Variants in DENND1A observed in about 807,000 individuals in gnomAD.
The protein encoded by DENND1A is DENN domain containing 1A, also known as DENN domain-containing protein 1A.
DENND1A carries 51 observed loss-of-function variants against 113.7 expected under a neutral mutation model. The observed-to-expected ratio is 0.45, with a 90% CI of 0.36 to 0.57. The LOEUF (loss-of-function observed/expected upper bound fraction) is 0.57, where lower values mean the gene tolerates loss of function less well. DENND1A is among the 20% of genes least tolerant of loss of function. The probability of loss-of-function intolerance (pLI) is 0.00; values close to 1 mark genes in which losing one functional copy is unlikely to be tolerated. For missense variants in DENND1A, 1,258 were observed against 1,395.9 expected (o/e 0.90, Z 1.57); for synonymous variants, 565 against 570.8 (o/e 0.99, Z 0.14).
intron 12 of DENND1A, among the ~76,000 whole-genome samples, chr9:123,558,127 A>G (rs2057532241): frequency 6.6e-6 from 1 of 152,228 alleles, no homozygotes; most frequent in Non-Finnish European, 1.5e-5. Flanking sequence ...TTTTGCATAC[A>G]TTTTACAATT....
chr9:123,457,517 C>G, intron 14 of DENND1A, 82 bp from the exon 15 acceptor site: 1 of 1,166,932 alleles, frequency 8.6e-7, no homozygotes, highest in Non-Finnish European at 1.3e-6. Flanking sequence ...CTTACTGTAT[C>G]CAAGGTAGGA....
At chr9:123,538,855 T>TATATATATACACAC (rs1564676522) in intron 13 of DENND1A, among the ~76,000 whole-genome samples, 2 of 101,288 alleles carry the variant, frequency 2.0e-5, no homozygotes, top group Non-Finnish European at 4.0e-5. Flanking sequence ...TATATATATA[T>TATATATATACACAC]ATATGAATTC....
intron 2 of DENND1A, among the ~76,000 whole-genome samples, chr9:123,818,507 T>A (rs918335096): frequency 1.8e-5 from 2 of 109,200 alleles, no homozygotes; most frequent in African/African-American, 6.6e-5. Context: ...TTGGCATATA[T>A]ATACATACAT....
At chr9:123,523,749 CAAGG>C (rs1263117861) in intron 13 of DENND1A, among the ~76,000 whole-genome samples, 1 of 152,174 alleles carries the variant, frequency 6.6e-6, no homozygotes, top group Non-Finnish European at 1.5e-5. Flanking sequence ...AATATGATTC[CAAGG>C]TCAGGCTTTA....
chr9:123,731,562 T>C (rs548349380), intron 5 of DENND1A, among the ~76,000 whole-genome samples: 1 of 152,296 alleles, frequency 6.6e-6, no homozygotes, highest in East Asian at 1.9e-4. Flanking sequence ...ACCTTAAAAA[T>C]AATTAACTCT....
At chr9:123,662,376 A>G (rs1285572570) in intron 8 of DENND1A, among the ~76,000 whole-genome samples, 1 of 152,210 alleles carries the variant, frequency 6.6e-6, no homozygotes, top group East Asian at 1.9e-4. Context: ...AGCCTGGCCA[A>G]CATGGTGAAA....
chr9:123,757,601 G>A, intron 5 of DENND1A, 102 bp downstream of exon 5: 3 of 1,519,626 alleles, frequency 2.0e-6, no homozygotes, highest in Non-Finnish European at 2.7e-6. Context: ...GAAACAGATA[G>A]GAAAATGAAA....
chr9:123,654,064 A>G (rs886885817), intron 8 of DENND1A, among the ~76,000 whole-genome samples: 1 of 152,154 alleles, frequency 6.6e-6, no homozygotes, highest in Non-Finnish European at 1.5e-5. Flanking sequence ...AAAACAAAAC[A>G]GCAAACACCA....
At chr9:123,595,604 G>A (rs2059650577) in intron 11 of DENND1A, among the ~76,000 whole-genome samples, 1 of 152,116 alleles carries the variant, frequency 6.6e-6, no homozygotes. Context: ...GGGCCAGAAA[G>A]TCTCCAGGCT....
chr9:123,465,707 A>G (rs1408679149), intron 13 of DENND1A, among the ~76,000 whole-genome samples: 1 of 152,254 alleles, frequency 6.6e-6, no homozygotes, highest in African/African-American at 2.4e-5. Flanking sequence ...GTTAAAATAT[A>G]GAAGTGCCGA....
rs780473231 is a variant in DENND1A, at chr9:123,598,456, C to CAAAA, written c.765+10976_765+10979dup. 1.4e-3 allele frequency among the ~76,000 whole-genome samples: 85 copies of CAAAA among 59,302 alleles called. 1 individual carries two copies. Among genetic ancestry groups the CAAAA allele is most frequent in the African/African-American group, 2.3e-3 (45 of 19,210 alleles). The allele number at this position is 59,302 out of a possible 152,430, so 38.9% of individuals were successfully genotyped here. Reference sequence around the variant, plus strand: ...CCTTTTAAAACTCAATCACAAATCTCAAAAAAAAAAAAAAAAAAAAACCAA... The same window carrying CAAAA: ...CCTTTTAAAACTCAATCACAAATCTCAAAAAAAAAAAAAAAAAAAAAAAAACCAA... On this transcript the variant is annotated intron_variant, in intron 11 of 23. Transcript: ENST00000394215.
intron 13 of DENND1A, among the ~76,000 whole-genome samples, chr9:123,543,941 G>A (rs1014417822): frequency 6.6e-6 from 1 of 152,076 alleles, no homozygotes; most frequent in Admixed American, 6.5e-5. Context: ...TCAGGTCTGC[G>A]GTGGGGACCA....
At chr9:123,545,359 C>T (rs1376535641) in intron 13 of DENND1A, among the ~76,000 whole-genome samples, 3 of 152,150 alleles carry the variant, frequency 2.0e-5, no homozygotes, top group Non-Finnish European at 4.4e-5. Context: ...GAAATCAACA[C>T]AACTGTATCC....
chr9:123,444,435 C>T (rs559538874), intron 18 of DENND1A, among the ~76,000 whole-genome samples: 12 of 152,286 alleles, frequency 7.9e-5, no homozygotes, highest in South Asian at 6.2e-4. Flanking sequence ...GGGCAGATCG[C>T]TTGAGGTCAG....
intron 13 of DENND1A, among the ~76,000 whole-genome samples, chr9:123,537,069 C>A (rs866384765): frequency 6.6e-6 from 1 of 152,174 alleles, no homozygotes; most frequent in Middle Eastern, 3.4e-3. Flanking sequence ...GGTATGCCCA[C>A]AAAACAGATT....
intron 4 of DENND1A, among the ~76,000 whole-genome samples, chr9:123,763,577 T>A (rs2071222170): frequency 6.6e-6 from 1 of 152,060 alleles, no homozygotes; most frequent in Admixed American, 6.6e-5. Context: ...TTGGAAGTCA[T>A]CTACAAACAG....
At chr9:123,876,583 T>C (rs1344976448) in intron 2 of DENND1A, among the ~76,000 whole-genome samples, 3 of 152,154 alleles carry the variant, frequency 2.0e-5, no homozygotes, top group Non-Finnish European at 4.4e-5. Flanking sequence ...GTGCTGTGTA[T>C]GTATTGGGGG....
At chr9:123,860,968 C>G (rs1408024664) in intron 2 of DENND1A, among the ~76,000 whole-genome samples, 1 of 152,096 alleles carries the variant, frequency 6.6e-6, no homozygotes, top group African/African-American at 2.4e-5. Flanking sequence ...ATTTATGAAG[C>G]CATGAAAAGT....
chr9:123,587,106 T>C (rs2059210717), intron 11 of DENND1A, among the ~76,000 whole-genome samples: 1 of 151,900 alleles, frequency 6.6e-6, no homozygotes, highest in Admixed American at 6.6e-5. Flanking sequence ...AACAATGCAC[T>C]GGATATACCA....
Sources: allele counts gnomAD v4.1 joint callset (sites outside exome capture counted in the v4.1 genomes callset), GRCh38; gene constraint gnomAD v4.1.1; transcripts MANE v1.5; gene names NCBI Gene and HGNC (gene_info 2026-07-23, HGNC 2026-07-21).